FARP1: variants seen among roughly 807,000 people sequenced by gnomAD.
FARP1 encodes the protein FERM, ARHGEF and pleckstrin domain-containing protein 1.
Under a neutral mutation model 128.8 loss-of-function variants are expected in FARP1, and 52 were observed. The observed-to-expected ratio is 0.40, with a 90% CI of 0.32 to 0.51. FARP1 has a LOEUF of 0.51. Ranked by LOEUF, FARP1 falls within the 20% of genes least tolerant of loss-of-function variation. The pLI is 0.45. For synonymous variants in FARP1, 580 were observed against 551.8 expected, an observed-to-expected ratio of 1.05 and a Z score of -0.72; for missense variants, 1,333 against 1,367.9, an observed-to-expected ratio of 0.97 and a Z score of 0.40.
intron 1 of FARP1, among the ~76,000 whole-genome samples, chr13:98,153,341 TAATA>T (rs1483212158): frequency 1.1e-3 from 41 of 35,678 alleles, no homozygotes; most frequent in Admixed American, 1.7e-3. Context: ...ATATATAAAA[TAATA>T]TATATAAAAA....
chr13:98,325,154 A>G (rs1177484024), intron 2 of FARP1, among the ~76,000 whole-genome samples: 1 of 152,210 alleles, frequency 6.6e-6, no homozygotes, highest in African/African-American at 2.4e-5. Flanking sequence ...ACCCTGAAAA[A>G]TATGGTTTAT....
intron 10 of FARP1, 120 bp downstream of exon 10, chr13:98,390,240 G>A (rs1033572437): frequency 3.7e-6 from 4 of 1,073,142 alleles, no homozygotes; most frequent in Non-Finnish European, 5.4e-6. Flanking sequence ...CAGGAGCTAT[G>A]GCCAAGCGGG....
intron 1 of FARP1, among the ~76,000 whole-genome samples, chr13:98,205,295 A>G (rs1880198088): frequency 6.6e-6 from 1 of 152,040 alleles, no homozygotes; most frequent in Admixed American, 6.6e-5. Context: ...ATTATGCCTT[A>G]AGCTTTTTTT....
At chr13:98,340,016 C>T (rs554865948) in intron 2 of FARP1, among the ~76,000 whole-genome samples, 63 of 151,582 alleles carry the variant, frequency 4.2e-4, no homozygotes, top group Middle Eastern at 3.4e-3. Context: ...GTTAACTCTC[C>T]CCCTCCCCTC....
chr13:98,338,795 A>C (rs1221540556), intron 2 of FARP1: 1 of 152,368 alleles, frequency 6.6e-6, no homozygotes, highest in Middle Eastern at 3.4e-3. Flanking sequence ...AATTACCTTC[A>C]GAGTGAAGTT....
intron 24 of FARP1, among the ~76,000 whole-genome samples, chr13:98,444,646 T>TTGA (rs1210780764): frequency 6.6e-6 from 1 of 152,120 alleles, no homozygotes; most frequent in African/African-American, 2.4e-5. Context: ...GATGTGCCTA[T>TTGA]TGATAAAGAG....
intron 4 of FARP1, 35 bp from the exon 5 acceptor site, chr13:98,368,082 G>T (rs763635797): frequency 6.5e-7 from 1 of 1,537,402 alleles, no homozygotes; most frequent in Non-Finnish European, 9.0e-7. Flanking sequence ...ACACAAATCA[G>T]TAAATGCTTT....
chr13:98,171,157 A>G (rs1181685645), intron 1 of FARP1, among the ~76,000 whole-genome samples: 3 of 152,190 alleles, frequency 2.0e-5, no homozygotes, highest in Non-Finnish European at 4.4e-5. Flanking sequence ...ATTCTTCCTC[A>G]ATTCCCAACA....
intron 2 of FARP1, chr13:98,245,053 T>C: frequency 9.6e-7 from 1 of 1,045,380 alleles, no homozygotes; most frequent in Non-Finnish European, 1.2e-6. Flanking sequence ...GGTTTATTGC[T>C]AGTGCAGAAG....
At position 98,378,996 on chromosome 13, in the gene FARP1, A is replaced by T. The variant is rs1214777203; in HGVS notation, c.496+1078A>T. On this transcript the variant is annotated intron_variant, in intron 6 of 26. Coordinates refer to ENST00000319562, the MANE Select transcript of FARP1 (RefSeq NM_005766.4). ...TATAATCTATATATAATATATATAT[A>T]ATATATACAATATATAATCTATATA... is the stretch of plus-strand genomic sequence containing the variant. Among the ~76,000 whole-genome samples, 3 of 84,462 alleles carry T rather than the reference A, an allele frequency of 3.6e-5. 1 individual carries two copies. Among genetic ancestry groups the T allele is most frequent in the East Asian group, 6.4e-4 (2 of 3,132 alleles). 55.4% of individuals were successfully genotyped at this position (84,462 alleles called of 152,430 possible). A position where few individuals can be genotyped will look rare whatever the true frequency, so the allele number is the denominator to read the frequency against.
At chr13:98,286,401 A>C (rs1472772834) in intron 2 of FARP1, among the ~76,000 whole-genome samples, 1 of 152,192 alleles carries the variant, frequency 6.6e-6, no homozygotes, top group Non-Finnish European at 1.5e-5. Flanking sequence ...GTGTTGTGCA[A>C]GGGACCCCAT....
At chr13:98,300,212 AAGAC>A (rs1885865054) in intron 2 of FARP1, among the ~76,000 whole-genome samples, 2 of 152,202 alleles carry the variant, frequency 1.3e-5, no homozygotes, top group African/African-American at 4.8e-5. Flanking sequence ...CTGGAGTGAG[AAGAC>A]AGTCCGTCCA....
rs2140117348 is a variant in FARP1 at position 98,410,772 on chromosome 13, A to G, written c.1641A>G (p.Glu547=). ...ATAAAGCGTACTTCATAGCTAAGGA[A>G]GTGTCTACCACCGAGCGAACATATC... ...PTDKAYFIAK[E]VSTTERTYLK... is the part of the protein sequence containing the mutation. The change falls in exon 15 of 27, where the codon GAA becomes GAG. Residue 547 remains glutamate, a synonymous_variant. Coordinates refer to ENST00000319562, the MANE Select transcript of FARP1 (RefSeq NM_005766.4). 3.1e-6 allele frequency: 5 copies of G among 1,605,862 alleles called. No individual in the cohort carries two copies. Among genetic ancestry groups the G allele is most frequent in the Non-Finnish European group, 4.3e-6 (5 of 1,174,496 alleles).
chr13:98,331,287 A>G (rs1426966929), intron 2 of FARP1, among the ~76,000 whole-genome samples: 5 of 152,214 alleles, frequency 3.3e-5, no homozygotes, highest in African/African-American at 4.8e-5. Flanking sequence ...TCGAGAATCT[A>G]TGTGTTCGTA....
intron 24 of FARP1, 90 bp downstream of exon 24, chr13:98,440,926 C>CTGGGACTGTGGGTG: frequency 7.4e-7 from 1 of 1,354,804 alleles, no homozygotes; most frequent in Non-Finnish European, 1.0e-6. Context: ...TTGAGGGAGG[C>CTGGGACTGTGGGTG]TGGGACTGTG....
chr13:98,192,395 C>CT (rs577857728), intron 1 of FARP1, among the ~76,000 whole-genome samples: 18 of 149,958 alleles, frequency 1.2e-4, no homozygotes, highest in Admixed American at 3.3e-4. Context: ...TTGACTGTTA[C>CT]TTTTTTTTTT....
At chr13:98,222,794 ATTTTTTTT>A (rs34198874) in intron 2 of FARP1, among the ~76,000 whole-genome samples, 2 of 124,800 alleles carry the variant, frequency 1.6e-5, no homozygotes, top group African/African-American at 6.2e-5. Context: ...TGCCCAGCTA[ATTTTTTTT>A]TTTTTTTTTT....
chr13:98,283,162 C>T (rs74108745), intron 2 of FARP1, among the ~76,000 whole-genome samples: 3,595 of 152,268 alleles, frequency 0.024, 142 homozygotes, highest in African/African-American at 0.082. Context: ...GATAACTCTG[C>T]ATAAATGCTA....
At chr13:98,305,477 G>A (rs1886105024) in intron 2 of FARP1, among the ~76,000 whole-genome samples, 1 of 152,098 alleles carries the variant, frequency 6.6e-6, no homozygotes. Context: ...GGGATTACAG[G>A]CACCCGCCAC....
Sources: allele counts gnomAD v4.1 joint callset (sites outside exome capture counted in the v4.1 genomes callset), GRCh38; gene constraint gnomAD v4.1.1; transcripts MANE v1.5; gene names NCBI Gene and HGNC (gene_info 2026-07-23, HGNC 2026-07-21).